The following AOC2 variants were observed in gnomAD, a reference collection of about 807,000 sequenced individuals.
The protein encoded by AOC2 is amine oxidase copper containing 2, also known as amine oxidase [copper-containing] 2.
AOC2 carries 57 observed loss-of-function variants against 53.8 expected under a neutral mutation model. The ratio of observed to expected loss-of-function variants is 1.06; its 90% CI spans 0.86 to 1.32. The LOEUF (loss-of-function observed/expected upper bound fraction) is 1.32, where lower values mean the gene tolerates loss of function less well. Ranked by LOEUF, AOC2 falls within the 40% of genes most tolerant of loss-of-function variation. The pLI is 0.00. For synonymous variants in AOC2, 404 were observed against 399.0 expected, an observed-to-expected ratio of 1.01 and a Z score of -0.15; for missense variants, 1,008 against 957.2, an observed-to-expected ratio of 1.05 and a Z score of -0.70.
At chr17:42,848,065 CTTTTTTTTTTT>C (rs61450612) in intron 1 of AOC2, among the ~76,000 whole-genome samples, 1 of 101,374 alleles carries the variant, frequency 9.9e-6, no homozygotes, top group Admixed American at 9.9e-5. Flanking sequence ...CATGCCCGGC[CTTTTTTTTTTT>C]TTTTTTTTTT....
At chr17:42,848,030 G>A (rs1486058980) in intron 1 of AOC2, among the ~76,000 whole-genome samples, 3 of 148,776 alleles carry the variant, frequency 2.0e-5, no homozygotes, top group Non-Finnish European at 3.0e-5. Flanking sequence ...CACTCGCCTC[G>A]GCTTCCCAAA....
intron 1 of AOC2, among the ~76,000 whole-genome samples, chr17:42,846,661 G>T (rs1437803548): frequency 6.6e-6 from 1 of 152,118 alleles, no homozygotes; most frequent in Non-Finnish European, 1.5e-5. Context: ...TCAGGGTGGG[G>T]GTCGACCTGG....
chr17:42,845,698 AGT>A lies in AOC2; in HGVS notation c.1075_1076del (p.Val359ProfsTer22). 6.2e-7 allele frequency: 1 copy of A among 1,614,188 alleles called. No individual in the cohort carries two copies. The highest frequency in any genetic ancestry group is 1.3e-5 in the African/African-American group (1 of 75,034). ...GGGTGAGCGAATAGCCTATGAAGTC[AGT>A]GTCCAGGAGTGTGTATCTATCTATG... ...FQGERIAYEV[S>X]VQECVSIYGA... On this transcript the variant is annotated frameshift_variant, in exon 1 of 4. Coordinates refer to ENST00000253799, the MANE Select transcript of AOC2 (RefSeq NM_009590.4). LOFTEE classifies it high-confidence loss of function.
chr17:42,849,161 T>C lies in AOC2; in HGVS notation c.1664T>C (p.Leu555Pro), dbSNP rs949479414. The change falls in exon 2 of 4, where the codon CTA (leucine) becomes CCA (proline). Residue 555 changes from leucine to proline, a missense_variant. Physicochemically the swap from Leu to Pro is moderately conservative, Grantham distance 98. Coordinates refer to ENST00000253799, the MANE Select transcript of AOC2 (RefSeq NM_009590.4). The stretch of plus-strand genomic sequence containing the variant: ...GCCCCCTGGAACCCGGAGCACTGGC[T>C]ACAGCGCCCACAGCTGACTCGGCAG... ...VAAPWNPEHWLQRPQLTRQVL... is the reference protein window; with the variant it reads ...VAAPWNPEHWPQRPQLTRQVL... 3 of 1,614,048 alleles carry C rather than the reference T, an allele frequency of 1.9e-6. No homozygotes were observed. The highest frequency in any genetic ancestry group is 8.5e-7 in the Non-Finnish European group (1 of 1,180,012).
chr17:42,847,587 G>C (rs2055608675), intron 1 of AOC2, among the ~76,000 whole-genome samples: 1 of 152,188 alleles, frequency 6.6e-6, no homozygotes, highest in African/African-American at 2.4e-5. Flanking sequence ...AAGTCTCAGA[G>C]CTGGGAGGAG....
chr17:42,849,832 C>T (rs773067540), intron 3 of AOC2, 102 bp downstream of exon 3: 97 of 1,541,236 alleles, frequency 6.3e-5, no homozygotes, highest in Non-Finnish European at 6.0e-5. Flanking sequence ...ATTTCCAGTT[C>T]GCAGATTCAG....
chr17:42,848,530 T>TATATATATATATATAC (rs930842468), intron 1 of AOC2, among the ~76,000 whole-genome samples: 1 of 139,218 alleles, frequency 7.2e-6, no homozygotes, highest in Non-Finnish European at 1.5e-5. Flanking sequence ...ACTGAATATA[T>TATATATATATATATAC]ATATATATAT....
chr17:42,848,566 T>TATATATATATATA (rs2055618360), intron 1 of AOC2, among the ~76,000 whole-genome samples: 2 of 145,742 alleles, frequency 1.4e-5, no homozygotes, highest in African/African-American at 5.2e-5. Flanking sequence ...TATATATATA[T>TATATATATATATA]TTTAGACAGA....
rs966225347 is a variant in AOC2 at position 42,848,524 on chromosome 17, A to AATATATATATATATATATATACAT, written c.1589-543_1589-520dup. Among the ~76,000 whole-genome samples, 16 of 131,282 alleles carry AATATATATATATATATATATACAT rather than the reference A, an allele frequency of 1.2e-4. 1 individual carries two copies. Among genetic ancestry groups the AATATATATATATATATATATACAT allele is most frequent in the Admixed American group, 3.8e-4 (5 of 13,074 alleles). 86.1% of individuals were successfully genotyped at this position (131,282 alleles called of 152,430 possible). On this transcript the variant is annotated intron_variant, in intron 1 of 3. Transcript: ENST00000253799. ...TGTGGCTAGTGTGACAGAGGAACTG[A>AATATATATATATATATATATACAT]ATATATATATATATATATATACATA...
chr17:42,845,611 T>A lies in AOC2; in HGVS notation c.985T>A (p.Trp329Arg). Reference protein sequence around the residue: ...VQGNLVVSSLWSFTFGHGVFS... With the variant: ...VQGNLVVSSLRSFTFGHGVFS... ...AGGAAACCTGGTGGTATCCTCCCTC[T>A]GGTCATTTACCTTTGGCCATGGGGT... Residue 329 changes from tryptophan to arginine, a missense_variant, in exon 1 of 4, where the codon TGG (tryptophan) becomes AGG (arginine). By Grantham distance (101) the Trp-to-Arg change is moderately radical (BLOSUM62 -3). Coordinates refer to ENST00000253799, the MANE Select transcript of AOC2 (RefSeq NM_009590.4). 1 of 1,614,198 alleles carries A rather than the reference T, an allele frequency of 6.2e-7. No homozygotes were observed. Among genetic ancestry groups the A allele is most frequent in the Non-Finnish European group, 8.5e-7 (1 of 1,180,024 alleles).
In AOC2 at chr17:42,849,175, C is replaced by T; in HGVS notation, c.1678C>T (p.Leu560=). 1 of 1,614,224 alleles carries T rather than the reference C, an allele frequency of 6.2e-7. No individual in the cohort carries two copies. Among genetic ancestry groups the T allele is most frequent in the South Asian group, 1.1e-5 (1 of 91,090 alleles). ...NPEHWLQRPQ[L]TRQVLGKEDL... is the part of the protein sequence containing the mutation. Reference sequence around the variant, plus strand: ...GGAGCACTGGCTACAGCGCCCACAGCTGACTCGGCAGGTCCTGGGAAAGGA... The same window carrying T: ...GGAGCACTGGCTACAGCGCCCACAGTTGACTCGGCAGGTCCTGGGAAAGGA... Residue 560 remains leucine, a synonymous_variant, in exon 2 of 4, where the codon CTG becomes TTG. Coordinates refer to ENST00000253799, the MANE Select transcript of AOC2 (RefSeq NM_009590.4).
chr17:42,845,896 T>A lies in AOC2; in HGVS notation c.1270T>A (p.Cys424Ser). The A allele has an allele frequency of 6.2e-7, 1 of 1,614,106 alleles. No individual in the cohort carries two copies. The highest frequency in any genetic ancestry group is 8.5e-7 in the Non-Finnish European group (1 of 1,180,006). Reference protein sequence around the residue: ...GAVQLLPGAVCVFEEAQGLPL... With the variant: ...GAVQLLPGAVSVFEEAQGLPL... The stretch of plus-strand genomic sequence containing the variant: ...AGTCCAGCTGCTTCCAGGGGCTGTG[T>A]GTGTATTTGAGGAAGCCCAGGGACT... The change falls in exon 1 of 4, where the codon TGT becomes AGT. Residue 424 changes from cysteine (C) to serine (S), a missense_variant. Physicochemically the swap from Cys to Ser is moderately radical, Grantham distance 112. Coordinates refer to ENST00000253799, the MANE Select transcript of AOC2 (RefSeq NM_009590.4).
At chr17:42,849,807 T>C in intron 3 of AOC2, 77 bp downstream of exon 3, 2 of 1,589,646 alleles carry the variant, frequency 1.3e-6, no homozygotes, top group Non-Finnish European at 1.7e-6. Context: ...GGCCAAAGGT[T>C]AGAGGGAATG....
Position 42,845,964 on chromosome 17 carries a change from T to C in AOC2, c.1338T>C (p.Tyr446=), listed in dbSNP as rs2055595686. ...RHHNYLQNHF[Y]GGLASSALVV... is the part of the protein sequence containing the mutation. ...ACAATTACCTTCAAAATCATTTCTA[T>C]GGTGGTTTGGCCAGCTCAGCCCTTG... Residue 446 remains tyrosine, a synonymous_variant, in exon 1 of 4, where the codon TAT becomes TAC. Coordinates refer to ENST00000253799, the MANE Select transcript of AOC2 (RefSeq NM_009590.4). 6.2e-7 allele frequency: 1 copy of C among 1,614,222 alleles called. No homozygotes were observed. The highest frequency in any genetic ancestry group is 1.7e-5 in the Admixed American group (1 of 60,030).
At position 42,849,595 on chromosome 17, in the gene AOC2, G is replaced by A; in HGVS notation, c.1875-6G>A. ...CCAAAACCACCTTCTTATGATTCCT[G>A]GCCAGATACCAGCTTGTGGTGACCC... On this transcript the variant is annotated splice_region_variant and splice_polypyrimidine_tract_variant and intron_variant, in intron 2 of 3. Transcript: ENST00000253799. 6.2e-7 allele frequency: 1 copy of A among 1,614,188 alleles called. No individual in the cohort carries two copies. Among genetic ancestry groups the A allele is most frequent in the South Asian group, 1.1e-5 (1 of 91,080 alleles).
Position 42,844,633 on chromosome 17 carries a change from C to T in AOC2, c.7C>T (p.Leu3Phe). 1.2e-6 allele frequency: 2 copies of T among 1,610,528 alleles called. No individual in the cohort carries two copies. The highest frequency in any genetic ancestry group is 8.5e-7 in the Non-Finnish European group (1 of 1,177,358). The change falls in exon 1 of 4, where the codon CTC (leucine) becomes TTC (phenylalanine). Residue 3 changes from leucine to phenylalanine, a missense_variant. Transcript: ENST00000253799. ...TCAGCTCTCAGCATCCACCATGCAT[C>T]TCAAGATAGTCCTGGCGTTCCTGGC... MH[L>F]KIVLAFLALS...
In AOC2 at chr17:42,845,990, T is replaced by C. The variant is rs1387359591; in HGVS notation, c.1364T>C (p.Val455Ala). Residue 455 changes from valine to alanine, a missense_variant, in exon 1 of 4, where the codon GTG becomes GCG. Val to Ala is a moderately conservative substitution (Grantham distance 64). Transcript: ENST00000253799. ...FYGGLASSAL[V>A]VRSVSSVGNY... ...GGTGGTTTGGCCAGCTCAGCCCTTG[T>C]GGTCAGGTCTGTGTCATCTGTGGGC... 8.7e-6 allele frequency: 14 copies of C among 1,614,068 alleles called. No homozygotes were observed. The highest frequency in any genetic ancestry group is 1.2e-5 in the Non-Finnish European group (14 of 1,180,038).
At chr17:42,849,478 C>T (rs1264729976) in intron 2 of AOC2, 107 bp downstream of exon 2, 3 of 1,581,308 alleles carry the variant, frequency 1.9e-6, no homozygotes, top group Non-Finnish European at 2.6e-6. Context: ...CTGTACCTCC[C>T]CTCAAACCCA....
chr17:42,845,158 C>CA lies in AOC2; in HGVS notation c.533dup (p.His178GlnfsTer49). 6.2e-7 allele frequency: 1 copy of CA among 1,613,798 alleles called. No individual in the cohort carries two copies. The highest frequency in any genetic ancestry group is 1.3e-5 in the African/African-American group (1 of 75,056). The stretch of plus-strand genomic sequence containing the variant: ...AGCTGAGTTTACACAGATGTGGAGG[C>CA]ATCTGAAAGAGGTGGAGCTACCCAA... On this transcript the variant is annotated frameshift_variant, in exon 1 of 4. Transcript: ENST00000253799. LOFTEE classifies it high-confidence loss of function.
Sources: allele counts gnomAD v4.1 joint callset (sites outside exome capture counted in the v4.1 genomes callset), GRCh38; gene constraint gnomAD v4.1.1; transcripts MANE v1.5; gene names NCBI Gene and HGNC (gene_info 2026-07-23, HGNC 2026-07-21).